KIF22: variants seen among roughly 807,000 people sequenced by gnomAD.
The protein encoded by KIF22 is kinesin-like protein KIF22.
Under a neutral mutation model 73.0 loss-of-function variants are expected in KIF22, and 62 were observed. That is an observed-to-expected ratio of 0.85 (90% confidence interval 0.69 to 1.05). KIF22 has a LOEUF of 1.05. Among genes scored for constraint, KIF22 ranks in the 50% least tolerant of loss-of-function variants. The pLI is 0.00. For synonymous variants in KIF22, 411 were observed against 340.1 expected (o/e 1.21, Z -2.29); for missense variants, 854 against 870.1 (o/e 0.98, Z 0.23).
chr16:29,794,708 A>G (rs1048420207), intron 1 of KIF22, among the ~76,000 whole-genome samples: 2 of 152,002 alleles, frequency 1.3e-5, no homozygotes, highest in Non-Finnish European at 1.5e-5. Flanking sequence ...CAGCCTCCCA[A>G]GTAGCTGGGA....
chr16:29,805,184 C>T lies in KIF22; in HGVS notation c.1950+10C>T, dbSNP rs1252681553. ...GGAGTCCTTCCTGAAGGTGAAGTCA[C>T]GGCCCTGCCCCTCCTCTGCCTGTCC... is the stretch of plus-strand genomic sequence containing the variant. On this transcript the variant is annotated intron_variant, in intron 13 of 13. Coordinates refer to ENST00000160827, the MANE Select transcript of KIF22 (RefSeq NM_007317.3). The T allele has an allele frequency of 6.2e-7, 1 of 1,614,132 alleles. No homozygotes were observed. The highest frequency in any genetic ancestry group is 2.2e-5 in the East Asian group (1 of 44,880).
At chr16:29,802,341 G>C (rs149832588) in intron 8 of KIF22, among the ~76,000 whole-genome samples, 1 of 150,918 alleles carries the variant, frequency 6.6e-6, no homozygotes, top group Non-Finnish European at 1.5e-5. Flanking sequence ...TGCTTGAACA[G>C]GCCTTCCCAG....
At chr16:29,791,533 T>C (rs1288877148) in intron 1 of KIF22, 2 of 152,280 alleles carry the variant, frequency 1.3e-5, no homozygotes. Flanking sequence ...GTGAGCGCCA[T>C]AGTAATTCAC....
Position 29,796,932 on chromosome 16 carries a change from G to A in KIF22, c.110G>A (p.Arg37His), listed in dbSNP as rs1319200351. 5 of 1,614,076 alleles carry A rather than the reference G, an allele frequency of 3.1e-6. No homozygotes were observed. The highest frequency in any genetic ancestry group is 2.2e-5 in the South Asian group (2 of 91,080). ...RCRLSKIGATRRPPPARVRVA... is the reference protein window; with the variant it reads ...RCRLSKIGATHRPPPARVRVA... ...CGGCTAAGCAAGATTGGAGCTACTC[G>A]TCGTCCACCTCCAGCTCGCGTAAGG... Residue 37 changes from arginine (R) to histidine (H), a missense_variant, in exon 2 of 14, where the codon CGT becomes CAT. Around this residue, in one of 3 missense-constraint regions of KIF22, gnomAD observed 186 missense variants for 152.9 expected, o/e 1.22. Transcript: ENST00000160827.
intron 9 of KIF22, 62 bp downstream of exon 9, chr16:29,802,999 C>T: frequency 6.6e-7 from 1 of 1,525,356 alleles, no homozygotes; most frequent in South Asian, 1.2e-5. Context: ...ATCCTTGGAT[C>T]TTCAGACAGG....
chr16:29,803,889 C>T (rs1484706433), intron 10 of KIF22, 109 bp from the exon 11 acceptor site: 1 of 868,296 alleles, frequency 1.2e-6, no homozygotes, highest in Non-Finnish European at 1.9e-6. Context: ...AACAGGTTAA[C>T]TCTGGATGGA....
chr16:29,796,004 C>T (rs1388475943), intron 1 of KIF22, among the ~76,000 whole-genome samples: 1 of 151,976 alleles, frequency 6.6e-6, no homozygotes, highest in East Asian at 1.9e-4. Context: ...GGCAGGGTGG[C>T]TCACACCTAT....
chr16:29,790,996 C>T (rs1386044558), intron 1 of KIF22, 167 bp downstream of exon 1: 10 of 1,458,856 alleles, frequency 6.9e-6, no homozygotes, highest in Non-Finnish European at 8.2e-6. Flanking sequence ...CCGGTCGCCC[C>T]GCCTGGCTCC....
At chr16:29,804,343 GA>G (rs1899263616) in intron 11 of KIF22, 1 of 601,198 alleles carries the variant, frequency 1.7e-6, no homozygotes, top group Non-Finnish European at 3.0e-6. Context: ...AAAACTTAGG[GA>G]ACTATGACCT....
chr16:29,801,825 T>C lies in KIF22; in HGVS notation c.1281-944T>C, dbSNP rs199913236. 9.2e-5 allele frequency among the ~76,000 whole-genome samples: 14 copies of C among 152,146 alleles called. No individual in the cohort carries two copies. The East Asian group carries it at 2.7e-3, about 29-fold the overall frequency. On this transcript the variant is annotated intron_variant, in intron 8 of 13. Coordinates refer to ENST00000160827, the MANE Select transcript of KIF22 (RefSeq NM_007317.3). ...CATGGAAAGCACAGGAGTGTCCCTG[T>C]CCTCCAGGAGCCAGTTCACAGCATA...
In KIF22 at chr16:29,802,827, G is replaced by T; in HGVS notation, c.1339G>T (p.Asp447Tyr). 6.2e-7 allele frequency: 1 copy of T among 1,611,166 alleles called. No homozygotes were observed. The highest frequency in any genetic ancestry group is 1.1e-5 in the South Asian group (1 of 90,400). ...PAMLERLLSL[D>Y]RLLASQGSQG... ...CATGCTGGAGCGCCTCCTCAGCTTG[G>T]ACCGTCTGCTTGCCTCCCAGGGGAG... The change falls in exon 9 of 14, where the codon GAC (aspartate) becomes TAC (tyrosine). Residue 447 changes from aspartate to tyrosine, a missense_variant. Transcript: ENST00000160827.
chr16:29,798,847 C>T lies in KIF22; in HGVS notation c.549+100C>T. ...GCTGTAGCAGGGAGGTAAGGTGAGA[C>T]CTAGAAAGACAGAGACTGGGGTAGC... On this transcript the variant is annotated intron_variant, in intron 4 of 13. Coordinates refer to ENST00000160827, the MANE Select transcript of KIF22 (RefSeq NM_007317.3). The surrounding 1 kb of genome is among the most constrained non-coding windows in gnomAD (Gnocchi z 4.1). 8 of 1,546,264 alleles carry T rather than the reference C, an allele frequency of 5.2e-6. No homozygotes were observed. Among genetic ancestry groups the T allele is most frequent in the Middle Eastern group, 1.8e-4 (1 of 5,634 alleles).
intron 8 of KIF22, among the ~76,000 whole-genome samples, chr16:29,801,265 C>G (rs914632844): frequency 6.6e-6 from 1 of 152,206 alleles, no homozygotes; most frequent in Non-Finnish European, 1.5e-5. Context: ...CTTTCTGTGT[C>G]TGGCCACTTA....
rs1296961388 is a variant in KIF22, at chr16:29,800,031, T to G, written c.1263T>G (p.Ser421=). Residue 421 remains serine, a synonymous_variant, in exon 8 of 14, where the codon TCT becomes TCG. Transcript: ENST00000160827. ...GSPEPMAAPA[S]ASQKLSPLQK... ...CTGAGCCCATGGCAGCTCCAGCCTC[T>G]GCCTCCCAGAAACTCAGGTGAGCAG... 1 of 1,612,436 alleles carries G rather than the reference T, an allele frequency of 6.2e-7. No homozygotes were observed. Among genetic ancestry groups the G allele is most frequent in the Admixed American group, 1.7e-5 (1 of 59,952 alleles).
chr16:29,803,597 C>T lies in KIF22; in HGVS notation c.1598C>T (p.Pro533Leu). The T allele has an allele frequency of 6.2e-7, 1 of 1,608,082 alleles. No individual in the cohort carries two copies. The highest frequency in any genetic ancestry group is 8.5e-7 in the Non-Finnish European group (1 of 1,177,444). ...CCCCTGAAAAAGGCTGTGGTGATGC[C>T]CCTACAGCTAAGTAAGTTTGACTCC... is the stretch of plus-strand genomic sequence containing the variant. ...AKPLKKAVVM[P>L]LQLIQEQAAS... Residue 533 changes from proline to leucine, a missense_variant, in exon 10 of 14, where the codon CCC becomes CTC. Around this residue, in one of 3 missense-constraint regions of KIF22, gnomAD observed 423 missense variants for 365.4 expected, o/e 1.16. Coordinates refer to ENST00000160827, the MANE Select transcript of KIF22 (RefSeq NM_007317.3).
At position 29,796,185 on chromosome 16, in the gene KIF22, C is replaced by T. The variant is rs994245591; in HGVS notation, c.71-708C>T. ...ACTCGAGAGGCTGAGGTGGGAGGAT[C>T]GCTTGAACCTGGGAGGTGGAGGTTG... On this transcript the variant is annotated intron_variant, in intron 1 of 13. Transcript: ENST00000160827. 1.2e-4 allele frequency among the ~76,000 whole-genome samples: 17 copies of T among 144,728 alleles called. No individual in the cohort carries two copies. The South Asian group carries it at 3.3e-3, about 28-fold the overall frequency. The allele number at this position is 144,728 out of a possible 152,430, so 94.9% of individuals were successfully genotyped here.
At chr16:29,805,210 T>G in intron 13 of KIF22, 36 bp downstream of exon 13, 2 of 1,614,096 alleles carry the variant, frequency 1.2e-6, no homozygotes, top group Middle Eastern at 1.7e-4. Flanking sequence ...CTGCCTGTCC[T>G]GCGCCCCGCG....
chr16:29,791,323 T>A (rs1032753395), intron 1 of KIF22: 20 of 834,884 alleles, frequency 2.4e-5, no homozygotes, highest in Admixed American at 6.2e-5. Flanking sequence ...CGGCTGCTGC[T>A]GGGTTTGAGT....
rs751073180 is a variant in KIF22 at position 29,799,945 on chromosome 16, T to C, written c.1177T>C (p.Leu393=). ...LGPVKLSQKE[L]LGPPEAKRAR... is the part of the protein sequence containing the mutation. ...ACCTGTTAAGCTGTCTCAGAAAGAATTGCTTGGTCCACCAGAGGCAAAGAG... is the reference window on the plus strand; with the variant it reads ...ACCTGTTAAGCTGTCTCAGAAAGAACTGCTTGGTCCACCAGAGGCAAAGAG... The change falls in exon 8 of 14, where the codon TTG becomes CTG. Residue 393 remains leucine, a synonymous_variant. Coordinates refer to ENST00000160827, the MANE Select transcript of KIF22 (RefSeq NM_007317.3). 8.7e-6 allele frequency: 14 copies of C among 1,614,146 alleles called. No homozygotes were observed. The South Asian group carries it at 1.4e-4, about 16-fold the overall frequency.
Sources: gnomAD v4.1 joint callset for allele counts (sites outside exome capture counted in the v4.1 genomes callset) on GRCh38, gnomAD v4.1.1 for gene constraint, gnomAD v4.1.1 regional missense constraint, Gnocchi (gnomAD v3.1) non-coding constraint, MANE v1.5 for transcripts, NCBI Gene and HGNC (gene_info 2026-07-23, HGNC 2026-07-21) for gene names.